The following CDC14A variants were observed in gnomAD, a reference collection of about 807,000 sequenced individuals.
The protein encoded by CDC14A is dual specificity protein phosphatase CDC14A.
In CDC14A, 53 loss-of-function variants were observed where a neutral mutation model predicts 74.4. The ratio of observed to expected loss-of-function variants is 0.71; its 90% CI spans 0.57 to 0.89. CDC14A has a LOEUF of 0.89. CDC14A is among the 40% of genes least tolerant of loss of function. CDC14A has a pLI of 0.00. For synonymous variants in CDC14A, 247 were observed against 258.4 expected, an observed-to-expected ratio of 0.96 and a Z score of 0.43; for missense variants, 646 against 713.7, an observed-to-expected ratio of 0.91 and a Z score of 1.08.
intron 7 of CDC14A, 86 bp downstream of exon 7, chr1:100,443,082 G>A (rs1665149735): frequency 1.2e-6 from 1 of 859,154 alleles, no homozygotes; most frequent in Admixed American, 2.0e-5. Flanking sequence ...TGCAAATCGA[G>A]TGGGTGCTAA....
At chr1:100,435,555 G>A (rs1402265403) in intron 5 of CDC14A, among the ~76,000 whole-genome samples, 6 of 152,182 alleles carry the variant, frequency 3.9e-5, no homozygotes, top group South Asian at 2.1e-4. Flanking sequence ...GAGACTGGGC[G>A]CGGTGGCTCA....
chr1:100,496,779 C>T (rs1298445251), intron 13 of CDC14A, among the ~76,000 whole-genome samples: 1 of 152,182 alleles, frequency 6.6e-6, no homozygotes, highest in Non-Finnish European at 1.5e-5. Context: ...TGAGCTTAAG[C>T]TGCTGTTTGG....
At chr1:100,389,404 G>T (rs1488358883) in intron 3 of CDC14A, among the ~76,000 whole-genome samples, 1 of 148,104 alleles carries the variant, frequency 6.8e-6, no homozygotes. Context: ...GTGAGCCGAG[G>T]TTGCGCCACT....
chr1:100,423,018 TTAGG>T (rs1360178401), intron 4 of CDC14A, among the ~76,000 whole-genome samples: 1 of 152,128 alleles, frequency 6.6e-6, no homozygotes, highest in African/African-American at 2.4e-5. Context: ...GCCACTAATT[TTAGG>T]TAGAGAAGAT....
chr1:100,499,387 C>T lies in CDC14A; in HGVS notation c.1755+125C>T, dbSNP rs1327633107. 2.5e-6 allele frequency: 4 copies of T among 1,601,656 alleles called. No individual in the cohort carries two copies. The African/African-American group carries it at 5.4e-5, about 21-fold the overall frequency. The stretch of plus-strand genomic sequence containing the variant: ...GCCAAGGAAGCCTTCTGAGCGATGC[C>T]TTCCCTCTGTGCTGTGAAACTGTCT... On this transcript the variant is annotated intron_variant, in intron 15 of 15. Transcript: ENST00000336454.
intron 10 of CDC14A, among the ~76,000 whole-genome samples, chr1:100,475,344 G>T (rs1051395092): frequency 1.3e-5 from 2 of 152,006 alleles, no homozygotes; most frequent in Non-Finnish European, 2.9e-5. Flanking sequence ...TTTTATCATG[G>T]CTACTTTTAA....
At chr1:100,498,267 C>A in intron 14 of CDC14A, 60 bp downstream of exon 14, 1 of 1,576,170 alleles carries the variant, frequency 6.3e-7, no homozygotes, top group South Asian at 1.2e-5. Context: ...TTGCAGCAGG[C>A]GATGAGTTTA....
intron 8 of CDC14A, among the ~76,000 whole-genome samples, chr1:100,459,124 C>CAGAGAGAGAGAGAGAG (rs1212963314): frequency 6.8e-6 from 1 of 146,848 alleles, no homozygotes; most frequent in African/African-American, 2.5e-5. Context: ...CACACACACA[C>CAGAGAGAGAGAGAGAG]ACAGAGAGAG....
intron 7 of CDC14A, among the ~76,000 whole-genome samples, chr1:100,446,597 G>C (rs617150): frequency 6.6e-6 from 1 of 152,136 alleles, no homozygotes; most frequent in East Asian, 1.9e-4. Flanking sequence ...ACCTAAAATA[G>C]CATTTAACAT....
chr1:100,390,266 T>G (rs1296152468), intron 3 of CDC14A, among the ~76,000 whole-genome samples: 1 of 152,224 alleles, frequency 6.6e-6, no homozygotes, highest in Non-Finnish European at 1.5e-5. Context: ...AATAAAATAC[T>G]AATATTGGTC....
chr1:100,412,743 T>TATATAAA, intron 4 of CDC14A, among the ~76,000 whole-genome samples: 4 of 109,908 alleles, frequency 3.6e-5, no homozygotes, highest in Non-Finnish European at 5.2e-5. Flanking sequence ...ATATATTTTA[T>TATATAAA]ATATATATAT....
chr1:100,486,001 CTG>C (rs1196020411), intron 11 of CDC14A: 3 of 152,140 alleles, frequency 2.0e-5, no homozygotes, highest in Admixed American at 6.5e-5. Context: ...TTCTTTGTCT[CTG>C]TGTTCCAGTT....
chr1:100,491,567 TA>T (rs1440606805), intron 11 of CDC14A, among the ~76,000 whole-genome samples: 195 of 88,300 alleles, frequency 2.2e-3, no homozygotes, highest in Non-Finnish European at 3.3e-3. Context: ...TATATATATA[TA>T]TATATTTTTT....
At chr1:100,350,877 G>T (rs1442022813), upstream of CDC14A, among the ~76,000 whole-genome samples, 2 of 152,152 alleles carry the variant, frequency 1.3e-5, no homozygotes, top group African/African-American at 4.8e-5. Flanking sequence ...TTTCATATAA[G>T]AAATACTAGA....
At chr1:100,436,930 A>G (rs1391882304) in intron 5 of CDC14A, among the ~76,000 whole-genome samples, 1 of 152,208 alleles carries the variant, frequency 6.6e-6, no homozygotes, top group Admixed American at 6.5e-5. Flanking sequence ...TTACACCTGT[A>G]ATCCTAGCAC....
chr1:100,358,863 A>C lies in CDC14A; in HGVS notation c.140+5011A>C, dbSNP rs187597119. The stretch of plus-strand genomic sequence containing the variant: ...ATGGAAAAACTACTCTTGCCTAGAA[A>C]TATTTGTGGGAATGCATATTTAGGT... On this transcript the variant is annotated intron_variant, in intron 2 of 15. Coordinates refer to ENST00000336454, the MANE Select transcript of CDC14A (RefSeq NM_003672.4). Among the ~76,000 whole-genome samples, 5 of 152,352 alleles carry C rather than the reference A, an allele frequency of 3.3e-5. No homozygotes were observed. In the East Asian group the frequency reaches 9.6e-4, roughly 29 times the overall value.
At chr1:100,400,907 C>A (rs1659173694) in intron 4 of CDC14A, among the ~76,000 whole-genome samples, 2 of 151,958 alleles carry the variant, frequency 1.3e-5, no homozygotes, top group Admixed American at 6.6e-5. Flanking sequence ...TGATAATAAA[C>A]TTCCTTTGTG....
intron 2 of CDC14A, among the ~76,000 whole-genome samples, chr1:100,372,018 T>A (rs1263209791): frequency 6.6e-6 from 1 of 152,234 alleles, no homozygotes; most frequent in Non-Finnish European, 1.5e-5. Flanking sequence ...ACAAAGCAAG[T>A]CACACAAGGT....
At chr1:100,461,476 T>C (rs957966496) in intron 8 of CDC14A, among the ~76,000 whole-genome samples, 2 of 152,208 alleles carry the variant, frequency 1.3e-5, no homozygotes, top group Non-Finnish European at 2.9e-5. Context: ...CCATCATGAA[T>C]GGGTTCCAAC....
Sources: gnomAD v4.1 joint callset for allele counts (sites outside exome capture counted in the v4.1 genomes callset) on GRCh38, gnomAD v4.1.1 for gene constraint, MANE v1.5 for transcripts, NCBI Gene and HGNC (gene_info 2026-07-23, HGNC 2026-07-21) for gene names.